The following ARPP19 variants were observed in gnomAD, a reference collection of about 807,000 sequenced individuals.
ARPP19 encodes cAMP-regulated phosphoprotein 19.
ARPP19 carries 8 observed loss-of-function variants against 12.0 expected under a neutral mutation model. That is an observed-to-expected ratio of 0.67 (90% confidence interval 0.39 to 1.21). The LOEUF (loss-of-function observed/expected upper bound fraction) is 1.21. Among genes scored for constraint, ARPP19 ranks in the 50% most tolerant of loss-of-function variants. ARPP19 has a pLI of 0.01. For missense variants in ARPP19, 102 were observed against 136.3 expected, an observed-to-expected ratio of 0.75 and a Z score of 1.25; for synonymous variants, 47 against 50.4, an observed-to-expected ratio of 0.93 and a Z score of 0.29.
chr15:52,566,552 G>C (rs558364691), intron 1 of ARPP19, among the ~76,000 whole-genome samples: 11 of 152,140 alleles, frequency 7.2e-5, no homozygotes, highest in African/African-American at 2.6e-4. Flanking sequence ...CCAAGTAGCT[G>C]GGACTACAGG....
In ARPP19 at chr15:52,549,517, ATTTACT is replaced by A. The variant is rs774314612; in HGVS notation, c.*2411_*2416del. The A allele has an allele frequency of 1.3e-5, 2 of 152,648 alleles. No homozygotes were observed. Among genetic ancestry groups the A allele is most frequent in the Non-Finnish European group, 2.9e-5 (2 of 68,040 alleles). The allele number at this position is 152,648 out of a possible 1,614,324, so 9.5% of individuals were successfully genotyped here. On this transcript the variant is annotated 3_prime_UTR_variant, in exon 3 of 3. Coordinates refer to ENST00000249822, the MANE Select transcript of ARPP19 (RefSeq NM_006628.6). ...GAAGGCAGGTTGGCTTAATGAGGAAATTTACTTTTAATAAAAAGACAATCAGCAATA... is the reference window on the plus strand; with the variant it reads ...GAAGGCAGGTTGGCTTAATGAGGAAATTTAATAAAAAGACAATCAGCAATA...
chr15:52,561,101 ACT>A (rs2078028073), intron 1 of ARPP19, among the ~76,000 whole-genome samples: 1 of 152,236 alleles, frequency 6.6e-6, no homozygotes, highest in South Asian at 2.1e-4. Flanking sequence ...CCAACAGGAC[ACT>A]GATAAAAGCA....
intron 1 of ARPP19, among the ~76,000 whole-genome samples, chr15:52,565,985 GCTGGA>G (rs2078078015): frequency 6.6e-6 from 1 of 152,120 alleles, no homozygotes; most frequent in Non-Finnish European, 1.5e-5. Context: ...CTCCTGAGTA[GCTGGA>G]ACTACAGGTG....
In ARPP19 at chr15:52,554,434, TTAAG is replaced by T. The variant is rs1343596118; in HGVS notation, c.169-2334_169-2331del. ...GATGTCAGAGAAAGAAGCTAATGCTTTAAGATAGAGAAGTGAACTAATGTTTATC... is the reference window on the plus strand; with the variant it reads ...GATGTCAGAGAAAGAAGCTAATGCTTATAGAGAAGTGAACTAATGTTTATC... On this transcript the variant is annotated intron_variant, in intron 2 of 2. Coordinates refer to ENST00000249822, the MANE Select transcript of ARPP19 (RefSeq NM_006628.6). 7.1e-5 allele frequency among the ~76,000 whole-genome samples: 4 copies of T among 56,250 alleles called. No individual in the cohort carries two copies. In the Admixed American group the frequency reaches 1.1e-3, roughly 16 times the overall value. 36.9% of individuals were successfully genotyped at this position (56,250 alleles called of 152,430 possible).
chr15:52,569,205 T>G (rs1002386479), upstream of ARPP19: 3 of 395,660 alleles, frequency 7.6e-6, no homozygotes, highest in Admixed American at 1.6e-4. Flanking sequence ...CATCCGTTTG[T>G]GGCTGCCGAG....
In ARPP19 at chr15:52,551,935, C is replaced by A; in HGVS notation, c.338G>T (p.Ter113LeuextTer4). 6.2e-7 allele frequency: 1 copy of A among 1,610,766 alleles called. No individual in the cohort carries two copies. Among genetic ancestry groups the A allele is most frequent in the Non-Finnish European group, 8.5e-7 (1 of 1,177,662 alleles). ...PSLVASKLAG* is the reference protein window; with the variant it reads ...PSLVASKLAGL Reference sequence around the variant, plus strand: ...GATTCATGCAGTTCAGCCTCTTAATCAGCCAGCCAGCTTGCTAGCAACAAG... The same window carrying A: ...GATTCATGCAGTTCAGCCTCTTAATAAGCCAGCCAGCTTGCTAGCAACAAG... Residue 113 changes from the stop codon to leucine, a stop_lost, in exon 3 of 3, where the codon TGA becomes TTA. Coordinates refer to ENST00000249822, the MANE Select transcript of ARPP19 (RefSeq NM_006628.6).
Position 52,569,016 on chromosome 15 carries a change from C to T in ARPP19, c.-124G>A. 2.9e-6 allele frequency: 2 copies of T among 682,930 alleles called. No homozygotes were observed. The highest frequency in any genetic ancestry group is 4.9e-6 in the Non-Finnish European group (2 of 405,700). 42.3% of individuals were successfully genotyped at this position (682,930 alleles called of 1,614,324 possible). On this transcript the variant is annotated 5_prime_UTR_variant, in exon 1 of 3. Transcript: ENST00000249822. Reference sequence around the variant, plus strand: ...GGGCCGCCTCCGCCCGCGAAAATGGCCGCCGCCTTATGACGACACGGAGCC... The same window carrying T: ...GGGCCGCCTCCGCCCGCGAAAATGGTCGCCGCCTTATGACGACACGGAGCC...
chr15:52,561,780 G>GAAA (rs55692281), intron 1 of ARPP19, among the ~76,000 whole-genome samples: 1 of 141,092 alleles, frequency 7.1e-6, no homozygotes, highest in African/African-American at 2.6e-5. Context: ...CTGGATTAAG[G>GAAA]AAAAAAAAAA....
intron 1 of ARPP19, among the ~76,000 whole-genome samples, chr15:52,568,125 A>G (rs919957824): frequency 1.3e-5 from 2 of 152,240 alleles, no homozygotes; most frequent in Admixed American, 6.5e-5. Context: ...GGAAGACACA[A>G]GGGCGTTTAC....
At position 52,551,112 on chromosome 15, in the gene ARPP19, T is replaced by C. The variant is rs183881788; in HGVS notation, c.*822A>G. 1 of 152,834 alleles carries C rather than the reference T, an allele frequency of 6.5e-6. No homozygotes were observed. The highest frequency in any genetic ancestry group is 1.9e-4 in the East Asian group (1 of 5,196). The allele number at this position is 152,834 out of a possible 1,614,324, so 9.5% of individuals were successfully genotyped here. On this transcript the variant is annotated 3_prime_UTR_variant, in exon 3 of 3. Transcript: ENST00000249822. The stretch of plus-strand genomic sequence containing the variant: ...AAAGCTATAATGATTTACAGAGTTT[T>C]GTGTAGGAACTCTTGTGCTTCTGGT...
chr15:52,552,236 A>G (rs1205151590), intron 2 of ARPP19, 132 bp from the exon 3 acceptor site: 1 of 624,780 alleles, frequency 1.6e-6, no homozygotes, highest in African/African-American at 1.8e-5. Context: ...TAGATGAAAT[A>G]GTCTCTGTAC....
intron 1 of ARPP19, among the ~76,000 whole-genome samples, chr15:52,565,273 C>T (rs1163413734): frequency 6.6e-6 from 1 of 152,114 alleles, no homozygotes; most frequent in African/African-American, 2.4e-5. Context: ...GATCTTCCCA[C>T]CTTGGCTTCC....
intron 1 of ARPP19, among the ~76,000 whole-genome samples, chr15:52,568,052 T>C (rs970163241): frequency 6.6e-6 from 1 of 152,272 alleles, no homozygotes; most frequent in East Asian, 1.9e-4. Flanking sequence ...CCTAGATAAA[T>C]ACAAAGGCTT....
intron 1 of ARPP19, among the ~76,000 whole-genome samples, chr15:52,558,635 G>C (rs2078004868): frequency 6.6e-6 from 1 of 151,824 alleles, no homozygotes; most frequent in African/African-American, 2.4e-5. Flanking sequence ...AGGTTACTTA[G>C]GAATAGTCAA....
intron 1 of ARPP19, among the ~76,000 whole-genome samples, chr15:52,566,796 T>C (rs551361831): frequency 2.1e-3 from 317 of 149,488 alleles, no homozygotes; most frequent in African/African-American, 7.5e-3. Flanking sequence ...TTTTTTATGT[T>C]TGTACATATT....
rs2077900873 is a variant in ARPP19, at chr15:52,548,613, C to G, written c.*3321G>C. The G allele has an allele frequency of 6.6e-6, 1 of 152,414 alleles. No homozygotes were observed. 9.4% of individuals were successfully genotyped at this position (152,414 alleles called of 1,614,324 possible). A position where few individuals can be genotyped will look rare whatever the true frequency, so the allele number is the denominator to read the frequency against. ...TCCTGCTTATCCACACTGTATACTA[C>G]CTGCCCCTTAGTCACTTAGTAGCCG... On this transcript the variant is annotated 3_prime_UTR_variant, in exon 3 of 3. Transcript: ENST00000249822.
chr15:52,568,521 A>C, intron 1 of ARPP19: 1 of 302,772 alleles, frequency 3.3e-6, no homozygotes, highest in Non-Finnish European at 6.0e-6. Flanking sequence ...AAACTTCCTA[A>C]CCAAATTGAG....
Position 52,551,806 on chromosome 15 carries a change from A to G in ARPP19, c.*128T>C, listed in dbSNP as rs2077933970. ...CACGTATATTCCACAATAGCAGCAC[A>G]CACTACTGCTACCTGCAAAGCTGTC... On this transcript the variant is annotated 3_prime_UTR_variant, in exon 3 of 3. Transcript: ENST00000249822. 2 of 713,838 alleles carry G rather than the reference A, an allele frequency of 2.8e-6. No homozygotes were observed. Among genetic ancestry groups the G allele is most frequent in the African/African-American group, 1.8e-5 (1 of 56,526 alleles). 44.2% of individuals were successfully genotyped at this position (713,838 alleles called of 1,614,324 possible). A position where few individuals can be genotyped will look rare whatever the true frequency, so the allele number is the denominator to read the frequency against.
chr15:52,568,996 G>A lies in ARPP19; in HGVS notation c.-104C>T. On this transcript the variant is annotated 5_prime_UTR_variant, in exon 1 of 3. Transcript: ENST00000249822. ...CAGCTCTCCCAGGGCCCGCCGGGCC[G>A]CCTCCGCCCGCGAAAATGGCCGCCG... is the stretch of plus-strand genomic sequence containing the variant. 2.5e-6 allele frequency: 2 copies of A among 793,756 alleles called. No homozygotes were observed. The highest frequency in any genetic ancestry group is 4.0e-6 in the Non-Finnish European group (2 of 505,876). 49.2% of individuals were successfully genotyped at this position (793,756 alleles called of 1,614,324 possible).
Sources: allele counts gnomAD v4.1 joint callset (sites outside exome capture counted in the v4.1 genomes callset), GRCh38; gene constraint gnomAD v4.1.1; transcripts MANE v1.5; gene names NCBI Gene and HGNC (gene_info 2026-07-23, HGNC 2026-07-21).